Variants in MAGI2 observed in about 807,000 individuals in gnomAD.
MAGI2 encodes membrane associated guanylate kinase, WW and PDZ domain containing 2.
MAGI2 carries 35 observed loss-of-function variants against 133.3 expected under a neutral mutation model. The observed-to-expected ratio is 0.26, with a 90% CI of 0.20 to 0.35. The LOEUF is 0.35. MAGI2 is among the 10% of genes least tolerant of loss of function. MAGI2 has a pLI of 1.00. For synonymous variants in MAGI2, 729 were observed against 710.6 expected, an observed-to-expected ratio of 1.03 and a Z score of -0.41; for missense variants, 1,636 against 1,863.4, an observed-to-expected ratio of 0.88 and a Z score of 2.25.
At chr7:78,792,117 T>G (rs1787206863) in intron 2 of MAGI2, among the ~76,000 whole-genome samples, 1 of 152,080 alleles carries the variant, frequency 6.6e-6, no homozygotes, top group South Asian at 2.1e-4. Flanking sequence ...GTAAGAGACA[T>G]TAGAGAAGAA....
chr7:78,275,488 TACTC>T (rs1794974645), intron 9 of MAGI2, among the ~76,000 whole-genome samples: 2 of 34,212 alleles, frequency 5.8e-5, no homozygotes, highest in Non-Finnish European at 8.7e-5. Flanking sequence ...GTGACAGAAT[TACTC>T]AGTGACAGAA....
chr7:78,803,813 A>G (rs1157821746), intron 2 of MAGI2, among the ~76,000 whole-genome samples: 1 of 152,184 alleles, frequency 6.6e-6, no homozygotes, highest in Non-Finnish European at 1.5e-5. Context: ...TACTTATAAA[A>G]CTCTAGACTA....
rs538233422 is a variant in MAGI2, at chr7:78,667,471, T to C, written c.419-40232A>G. Among the ~76,000 whole-genome samples the C allele has an allele frequency of 1.8e-3, 279 of 151,992 alleles. 4 individuals are homozygous for C. The highest frequency in any genetic ancestry group is 0.01 in the Middle Eastern group (3 of 294). ...TAGTTACATATGTATATATGTGCCA[T>C]GCTGGTGTGCTGCACCCATTAACTC... On this transcript the variant is annotated intron_variant, in intron 2 of 21. Coordinates refer to ENST00000354212, the MANE Select transcript of MAGI2 (RefSeq NM_012301.4).
At chr7:78,959,381 G>A (rs1408541536) in intron 2 of MAGI2, among the ~76,000 whole-genome samples, 1 of 151,304 alleles carries the variant, frequency 6.6e-6, no homozygotes, top group Non-Finnish European at 1.5e-5. Context: ...ACAAAGGAAA[G>A]GTAAAAAGTA....
chr7:78,785,670 T>C (rs1213018766), intron 2 of MAGI2, among the ~76,000 whole-genome samples: 1 of 152,216 alleles, frequency 6.6e-6, no homozygotes, highest in Non-Finnish European at 1.5e-5. Flanking sequence ...ATACTATTTA[T>C]TTCTCCTCTT....
chr7:78,915,517 A>T (rs1798720947), intron 2 of MAGI2, among the ~76,000 whole-genome samples: 1 of 152,098 alleles, frequency 6.6e-6, no homozygotes, highest in African/African-American at 2.4e-5. Flanking sequence ...AAGTCCCTTT[A>T]CAAAATAAAA....
intron 2 of MAGI2, among the ~76,000 whole-genome samples, chr7:78,747,661 A>T (rs1823054033): frequency 6.6e-6 from 1 of 152,150 alleles, no homozygotes; most frequent in African/African-American, 2.4e-5. Flanking sequence ...CTAACGCAGA[A>T]TCTCTCCCTG....
At chr7:78,098,493 T>A (rs1817918355) in intron 20 of MAGI2, among the ~76,000 whole-genome samples, 2 of 152,178 alleles carry the variant, frequency 1.3e-5, no homozygotes, top group Admixed American at 6.5e-5. Context: ...TACAGTTTTT[T>A]TATTCTATTG....
chr7:78,330,610 C>T lies in MAGI2; in HGVS notation c.1408+13168G>A, dbSNP rs1425772864. Among the ~76,000 whole-genome samples, 2 of 106,608 alleles carry T rather than the reference C, an allele frequency of 1.9e-5. 1 individual carries two copies. 69.9% of individuals were successfully genotyped at this position (106,608 alleles called of 152,430 possible). On this transcript the variant is annotated intron_variant, in intron 9 of 21. Coordinates refer to ENST00000354212, the MANE Select transcript of MAGI2 (RefSeq NM_012301.4). ...TCCAGCCTGGGCGACAGCGAGACTC[C>T]GTCTCAAAAAAAAAAAAAAAAAAAA...
chr7:79,419,467 A>C (rs187098370), intron 1 of MAGI2, among the ~76,000 whole-genome samples: 1 of 152,126 alleles, frequency 6.6e-6, no homozygotes, highest in Non-Finnish European at 1.5e-5. Context: ...CTTTTCCTTT[A>C]TTTCCCTAGA....
At position 79,368,320 on chromosome 7, in the gene MAGI2, T is replaced by C. The variant is rs563052400; in HGVS notation, c.301+84700A>G. Among the ~76,000 whole-genome samples, 332 of 152,182 alleles carry C rather than the reference T, an allele frequency of 2.2e-3. 1 individual carries two copies. The highest frequency in any genetic ancestry group is 3.4e-3 in the Non-Finnish European group (233 of 68,000). ...GTACTTTCCCTAGACAGAAACTGGCTAGGGTCTAAATCAATTAGCCCTCAG... is the reference window on the plus strand; with the variant it reads ...GTACTTTCCCTAGACAGAAACTGGCCAGGGTCTAAATCAATTAGCCCTCAG... On this transcript the variant is annotated intron_variant, in intron 1 of 21. Coordinates refer to ENST00000354212, the MANE Select transcript of MAGI2 (RefSeq NM_012301.4).
intron 5 of MAGI2, among the ~76,000 whole-genome samples, chr7:78,490,879 G>A (rs1793541344): frequency 6.6e-6 from 1 of 152,052 alleles, no homozygotes; most frequent in Non-Finnish European, 1.5e-5. Context: ...ATGAGCAAAG[G>A]CACAGGTGTG....
At chr7:79,330,995 T>C (rs1180159051) in intron 1 of MAGI2, among the ~76,000 whole-genome samples, 4 of 152,202 alleles carry the variant, frequency 2.6e-5, no homozygotes, top group African/African-American at 9.7e-5. Context: ...AATTCATTCT[T>C]TAATTATTTT....
At chr7:78,332,433 T>C (rs1247178507) in intron 9 of MAGI2, among the ~76,000 whole-genome samples, 2 of 152,210 alleles carry the variant, frequency 1.3e-5, no homozygotes, top group Non-Finnish European at 2.9e-5. Flanking sequence ...GCGCAGTGGC[T>C]CACGCCTGTA....
intron 15 of MAGI2, among the ~76,000 whole-genome samples, chr7:78,161,796 T>C (rs1413199010): frequency 6.6e-6 from 1 of 152,112 alleles, no homozygotes; most frequent in Admixed American, 6.5e-5. Context: ...ACCCAGGCTG[T>C]TGCTCGTTAT....
intron 1 of MAGI2, among the ~76,000 whole-genome samples, chr7:79,248,964 A>G (rs1048287805): frequency 2.6e-5 from 4 of 152,086 alleles, no homozygotes; most frequent in African/African-American, 9.7e-5. Flanking sequence ...CCCAGGTTCA[A>G]GCAATTCTCC....
intron 3 of MAGI2, among the ~76,000 whole-genome samples, chr7:78,612,952 G>A (rs1288380273): frequency 3.3e-5 from 5 of 152,168 alleles, no homozygotes; most frequent in African/African-American, 1.2e-4. Flanking sequence ...TCACAGGCGT[G>A]AGCCACCGCG....
chr7:78,605,263 G>A (rs1805680104), intron 3 of MAGI2, among the ~76,000 whole-genome samples: 2 of 152,212 alleles, frequency 1.3e-5, no homozygotes, highest in Admixed American at 1.3e-4. Flanking sequence ...AAAAAGTAAT[G>A]TTGATTGGCC....
intron 2 of MAGI2, among the ~76,000 whole-genome samples, chr7:78,858,044 G>T (rs948856255): frequency 5.3e-5 from 8 of 152,080 alleles, no homozygotes; most frequent in Non-Finnish European, 1.2e-4. Flanking sequence ...TTGCACAGAG[G>T]TGTTTATATT....
Sources: gnomAD v4.1 joint callset for allele counts (sites outside exome capture counted in the v4.1 genomes callset) on GRCh38, gnomAD v4.1.1 for gene constraint, MANE v1.5 for transcripts, NCBI Gene and HGNC (gene_info 2026-07-23, HGNC 2026-07-21) for gene names.